The following CHAT variants were observed in gnomAD, a reference collection of about 807,000 sequenced individuals.
The protein encoded by CHAT is acetyl CoA:choline O-acetyltransferase.
A neutral mutation model predicts 76.9 loss-of-function variants in CHAT; 61 were observed. That is an observed-to-expected ratio of 0.79 (90% CI 0.65 to 0.98). CHAT has a LOEUF of 0.98. Among genes scored for constraint, CHAT ranks in the 50% least tolerant of loss-of-function variants. The probability of loss-of-function intolerance (pLI) is 0.00; values close to 1 mark genes in which losing one functional copy is unlikely to be tolerated. For missense variants in CHAT, 946 were observed against 986.9 expected, an observed-to-expected ratio of 0.96 and a Z score of 0.56; for synonymous variants, 407 against 397.4, an observed-to-expected ratio of 1.02 and a Z score of -0.29.
upstream of CHAT, chr10:49,612,301 T>C: frequency 1.2e-6 from 2 of 1,608,918 alleles, no homozygotes; most frequent in Non-Finnish European, 1.7e-6. Flanking sequence ...TTTTGATGCG[T>C]GCGAGGACGA....
At chr10:49,620,652 C>A in intron 4 of CHAT, 39 bp downstream of exon 4, 1 of 1,518,078 alleles carries the variant, frequency 6.6e-7, no homozygotes, top group South Asian at 1.1e-5. Flanking sequence ...CCTGGGGACC[C>A]ACCCAAGGCA....
chr10:49,631,915 G>T (rs1157571197), intron 7 of CHAT, among the ~76,000 whole-genome samples: 3 of 151,252 alleles, frequency 2.0e-5, no homozygotes, highest in Admixed American at 1.3e-4. Flanking sequence ...TCATGATGGG[G>T]ACCTAGGAAG....
intron 7 of CHAT, among the ~76,000 whole-genome samples, chr10:49,634,209 C>G (rs985017099): frequency 3.3e-5 from 5 of 152,206 alleles, no homozygotes; most frequent in Admixed American, 2.6e-4. Context: ...GGGCAAGAGG[C>G]CTGCCCTTAA....
rs764791712 is a variant in CHAT, at chr10:49,655,192, C to T, written c.1732C>T (p.Leu578=). The part of the protein sequence containing the change: ...DNIRSATPEA[L]AFVRAVTDHK... ...CATCAGATCGGCCACTCCAGAGGCACTGGCTTTTGTGAGAGCCGTGACTGA... is the reference window on the plus strand; with the variant it reads ...CATCAGATCGGCCACTCCAGAGGCATTGGCTTTTGTGAGAGCCGTGACTGA... The change falls in exon 12 of 15, where the codon CTG becomes TTG. Residue 578 remains leucine (L), a synonymous_variant. Transcript: ENST00000337653. 1.4e-5 allele frequency: 23 copies of T among 1,613,990 alleles called. No homozygotes were observed. In the South Asian group the frequency reaches 2.2e-4, roughly 15 times the overall value.
At chr10:49,655,570 C>A in intron 13 of CHAT, 122 bp downstream of exon 13, 3 of 880,094 alleles carry the variant, frequency 3.4e-6, no homozygotes, top group South Asian at 1.3e-5. Context: ...GGGGACTTGG[C>A]AAGGCCACTT....
chr10:49,649,566 C>G lies in CHAT; in HGVS notation c.1441C>G (p.Arg481Gly), dbSNP rs751583653. 5.6e-6 allele frequency: 9 copies of G among 1,613,916 alleles called. No individual in the cohort carries two copies. The highest frequency in any genetic ancestry group is 2.2e-5 in the East Asian group (1 of 44,882). Residue 481 changes from arginine (R) to glycine (G), a missense_variant, in exon 10 of 15, where the codon CGG becomes GGG. Physicochemically the swap from Arg to Gly is moderately radical, Grantham distance 125. This residue lies in a region of CHAT where 349 missense variants were observed against 393.9 expected (regional missense o/e 0.89). Transcript: ENST00000337653. ...ADSVSELPAP[R>G]RLRWKCSPEI... ...CTCCGTCAGCGAGCTCCCCGCCCCC[C>G]GGAGGCTGCGGTGGAAATGCTCCCC...
chr10:49,650,982 C>A (rs996939758), intron 10 of CHAT, among the ~76,000 whole-genome samples: 4 of 151,978 alleles, frequency 2.6e-5, no homozygotes, highest in African/African-American at 9.7e-5. Context: ...CTGAGCAGAC[C>A]CCACATTCCC....
chr10:49,643,591 A>G (rs1839559166), intron 7 of CHAT, among the ~76,000 whole-genome samples: 1 of 152,142 alleles, frequency 6.6e-6, no homozygotes, highest in South Asian at 2.1e-4. Context: ...CAGAGCAGGG[A>G]GCCTTGCAAG....
At chr10:49,613,986 A>C (rs1838374452), upstream of CHAT, 10 of 915,412 alleles carry the variant, frequency 1.1e-5, no homozygotes, top group Non-Finnish European at 1.5e-5. Flanking sequence ...AGGATTCAGC[A>C]GCAGCACCCC....
In CHAT at chr10:49,646,510, A is replaced by G; in HGVS notation, c.1117A>G (p.Thr373Ala). 6.2e-7 allele frequency: 1 copy of G among 1,614,156 alleles called. No individual in the cohort carries two copies. The highest frequency in any genetic ancestry group is 8.5e-7 in the Non-Finnish European group (1 of 1,180,020). ...TGTGCCTGCCTCCCCTGCAGACTCC[A>G]CCAACCGGGACTCGCTGGACATGAT... is the stretch of plus-strand genomic sequence containing the variant. ...EARTVLVKDS[T>A]NRDSLDMIER... Residue 373 changes from threonine (T) to alanine (A), a missense_variant, in exon 8 of 15, where the codon ACC becomes GCC. Thr to Ala is a moderately conservative substitution (Grantham distance 58). Coordinates refer to ENST00000337653, the MANE Select transcript of CHAT (RefSeq NM_020549.5).
In CHAT at chr10:49,649,366, G is replaced by T; in HGVS notation, c.1383-142G>T. On this transcript the variant is annotated intron_variant, in intron 9 of 14. Transcript: ENST00000337653. Reference sequence around the variant, plus strand: ...TGAGCCTCAGTTTATTCATCTGCACGGTGGTTCAGGGGCAGCTCGTACCCC... The same window carrying T: ...TGAGCCTCAGTTTATTCATCTGCACTGTGGTTCAGGGGCAGCTCGTACCCC... 3.5e-6 allele frequency: 4 copies of T among 1,143,668 alleles called. No homozygotes were observed. In the South Asian group the frequency reaches 5.1e-5, roughly 15 times the overall value. The allele number at this position is 1,143,668 out of a possible 1,614,324, so 70.8% of individuals were successfully genotyped here. A position where few individuals can be genotyped will look rare whatever the true frequency, so the allele number is the denominator to read the frequency against.
chr10:49,620,361 C>T, intron 3 of CHAT, 134 bp from the exon 4 acceptor site: 1 of 760,222 alleles, frequency 1.3e-6, no homozygotes. Context: ...GCTCCTGGCA[C>T]ATACCTGGGG....
intron 7 of CHAT, among the ~76,000 whole-genome samples, chr10:49,638,464 C>T (rs1483877181): frequency 6.6e-6 from 1 of 152,140 alleles, no homozygotes; most frequent in Non-Finnish European, 1.5e-5. Context: ...TAGGGCTTAA[C>T]TCTGATATTT....
intron 13 of CHAT, among the ~76,000 whole-genome samples, chr10:49,662,233 T>G (rs1189287908): frequency 6.6e-6 from 1 of 152,160 alleles, no homozygotes; most frequent in African/African-American, 2.4e-5. Context: ...GATCCGGTAG[T>G]CTCCAAGCTC....
chr10:49,610,627 A>T, upstream of CHAT: 1 of 1,057,270 alleles, frequency 9.5e-7, no homozygotes, highest in South Asian at 1.9e-5. Context: ...GGCACAGGGG[A>T]GTCTGCTCGG....
intron 7 of CHAT, among the ~76,000 whole-genome samples, chr10:49,638,994 G>A (rs1211121748): frequency 5.3e-5 from 8 of 152,128 alleles, no homozygotes; most frequent in African/African-American, 1.9e-4. Context: ...CCAGCACTTT[G>A]GGAGGCTGAG....
chr10:49,658,420 A>G (rs1472356791), intron 13 of CHAT, among the ~76,000 whole-genome samples: 1 of 152,250 alleles, frequency 6.6e-6, no homozygotes, highest in East Asian at 1.9e-4. Context: ...GGGAAGGCTG[A>G]GGCAGGAGAA....
At chr10:49,664,115 G>GT (rs1333878666) in intron 14 of CHAT, among the ~76,000 whole-genome samples, 3 of 152,150 alleles carry the variant, frequency 2.0e-5, no homozygotes, top group African/African-American at 7.2e-5. Context: ...GAGTTTTGTT[G>GT]TTTTCCAACT....
intron 4 of CHAT, 51 bp downstream of exon 4, chr10:49,620,664 G>A (rs1232256082): frequency 1.4e-6 from 2 of 1,426,818 alleles, no homozygotes; most frequent in South Asian, 2.3e-5. Flanking sequence ...CCCAAGGCAG[G>A]GGCCCTTACC....
Sources: allele counts gnomAD v4.1 joint callset (sites outside exome capture counted in the v4.1 genomes callset), GRCh38; gene constraint gnomAD v4.1.1; regional missense constraint gnomAD v4.1.1; transcripts MANE v1.5; gene names NCBI Gene and HGNC (gene_info 2026-07-23, HGNC 2026-07-21).